CORIN: variants seen among roughly 807,000 people sequenced by gnomAD.
CORIN encodes atrial natriuretic peptide-converting enzyme.
A neutral mutation model predicts 125.3 loss-of-function variants in CORIN; 117 were observed. The ratio of observed to expected loss-of-function variants is 0.93; its 90% confidence interval spans 0.80 to 1.09. The LOEUF (loss-of-function observed/expected upper bound fraction) is 1.09, where lower values mean the gene tolerates loss of function less well. CORIN is among the 50% of genes least tolerant of loss of function. The pLI is 0.00. For synonymous variants in CORIN, 450 were observed against 466.4 expected, an observed-to-expected ratio of 0.96 and a Z score of 0.45; for missense variants, 1,253 against 1,306.7, an observed-to-expected ratio of 0.96 and a Z score of 0.63.
chr4:47,807,142 C>A, intron 1 of CORIN, 95 bp from the exon 2 acceptor site: 2 of 928,518 alleles, frequency 2.2e-6, no homozygotes, highest in South Asian at 1.8e-5. Context: ...CAGCACATTC[C>A]AAAAAGATTT....
chr4:47,775,279 T>TA (rs754505956), intron 3 of CORIN, among the ~76,000 whole-genome samples: 13 of 152,134 alleles, frequency 8.5e-5, no homozygotes, highest in Non-Finnish European at 1.6e-4. Flanking sequence ...ACAGGTTTTT[T>TA]ACCTATGTAT....
intron 3 of CORIN, among the ~76,000 whole-genome samples, chr4:47,774,227 G>A (rs1448584694): frequency 2.0e-5 from 3 of 152,126 alleles, no homozygotes; most frequent in Non-Finnish European, 2.9e-5. Flanking sequence ...CTGAGAAGAT[G>A]CCAGCTGCAG....
At position 47,595,551 on chromosome 4, in the gene CORIN, A is replaced by G. The variant is rs1721218095; in HGVS notation, c.*170T>C. ...ATAAGAGAAAAATGAAGGTGAAAAA[A>G]TAAATTGAAAAAAATTAGTCCAAAA... On this transcript the variant is annotated 3_prime_UTR_variant, in exon 22 of 22. Transcript: ENST00000273857. 1.1e-5 allele frequency: 5 copies of G among 443,148 alleles called. No homozygotes were observed. Among genetic ancestry groups the G allele is most frequent in the Non-Finnish European group, 2.0e-5 (5 of 253,736 alleles). 27.5% of individuals were successfully genotyped at this position (443,148 alleles called of 1,614,324 possible).
chr4:47,746,853 T>G (rs571268451), intron 4 of CORIN, among the ~76,000 whole-genome samples: 1 of 152,276 alleles, frequency 6.6e-6, no homozygotes, highest in Admixed American at 6.5e-5. Context: ...AATCTTGATA[T>G]GCACTTTGTG....
chr4:47,680,416 ACT>A, intron 7 of CORIN, 165 bp from the exon 8 acceptor site: 1 of 568,288 alleles, frequency 1.8e-6, no homozygotes. Flanking sequence ...CGCCCTCCCC[ACT>A]CATGTGCCCC....
At chr4:47,827,102 A>G (rs992960148) in intron 1 of CORIN, among the ~76,000 whole-genome samples, 32 of 152,330 alleles carry the variant, frequency 2.1e-4, no homozygotes, top group African/African-American at 7.2e-4. Flanking sequence ...GGCTAACATT[A>G]TATTTCTATT....
intron 16 of CORIN, among the ~76,000 whole-genome samples, chr4:47,641,395 A>T (rs557185969): frequency 1.3e-5 from 2 of 152,224 alleles, no homozygotes; most frequent in African/African-American, 2.4e-5. Context: ...CAAGTATCTA[A>T]CTTTCAAAGG....
intron 3 of CORIN, among the ~76,000 whole-genome samples, chr4:47,782,387 G>GAAAAAAAAAAAAAAAA (rs1265689215): frequency 1.6e-5 from 1 of 61,602 alleles, no homozygotes; most frequent in Non-Finnish European, 3.5e-5. Flanking sequence ...TCCATCTCAA[G>GAAAAAAAAAAAAAAAA]AAAAAAAAAA....
At chr4:47,720,761 A>T (rs1727308259) in intron 5 of CORIN, among the ~76,000 whole-genome samples, 1 of 152,190 alleles carries the variant, frequency 6.6e-6, no homozygotes, top group Non-Finnish European at 1.5e-5. Flanking sequence ...CCACCATTTG[A>T]TTCCAACTTT....
At chr4:47,758,414 T>G (rs530554331) in intron 4 of CORIN, among the ~76,000 whole-genome samples, 1 of 152,244 alleles carries the variant, frequency 6.6e-6, no homozygotes, top group East Asian at 1.9e-4. Flanking sequence ...CCCAAAGTGA[T>G]CTAGAGTCAA....
chr4:47,815,314 T>G (rs1560562105), intron 1 of CORIN, among the ~76,000 whole-genome samples: 2 of 152,128 alleles, frequency 1.3e-5, no homozygotes, highest in African/African-American at 4.8e-5. Flanking sequence ...AGTCCTGATT[T>G]TTTTTTAACA....
At chr4:47,654,918 G>T (rs1425762879) in intron 12 of CORIN, among the ~76,000 whole-genome samples, 1 of 151,786 alleles carries the variant, frequency 6.6e-6, no homozygotes, top group Non-Finnish European at 1.5e-5. Context: ...CCTTTCTTCT[G>T]CTTGAGGACA....
At chr4:47,645,523 T>A (rs573846709) in intron 13 of CORIN, among the ~76,000 whole-genome samples, 21 of 151,952 alleles carry the variant, frequency 1.4e-4, no homozygotes, top group Non-Finnish European at 2.2e-4. Context: ...ATAATATAAT[T>A]TTGAAAGTAG....
At chr4:47,788,805 A>T (rs895444936) in intron 2 of CORIN, among the ~76,000 whole-genome samples, 25 of 152,202 alleles carry the variant, frequency 1.6e-4, no homozygotes, top group African/African-American at 6.0e-4. Flanking sequence ...ATGAGTAGGC[A>T]TCCAGTTCTG....
chr4:47,817,696 C>G (rs1432980705), intron 1 of CORIN, among the ~76,000 whole-genome samples: 1 of 152,150 alleles, frequency 6.6e-6, no homozygotes, highest in Admixed American at 6.5e-5. Context: ...AAAGGCTGCC[C>G]CAAATTCTAT....
At chr4:47,737,706 G>A (rs1728196116) in intron 5 of CORIN, among the ~76,000 whole-genome samples, 1 of 152,132 alleles carries the variant, frequency 6.6e-6, no homozygotes, top group African/African-American at 2.4e-5. Flanking sequence ...GTTACTATTT[G>A]CAGAAAACTC....
chr4:47,826,914 A>C (rs997967343), intron 1 of CORIN, among the ~76,000 whole-genome samples: 1 of 152,316 alleles, frequency 6.6e-6, no homozygotes, highest in Middle Eastern at 3.4e-3. Flanking sequence ...TGAAATTTAA[A>C]GACTTGTTAT....
At chr4:47,773,567 A>T (rs1730157189) in intron 3 of CORIN, among the ~76,000 whole-genome samples, 1 of 152,224 alleles carries the variant, frequency 6.6e-6, no homozygotes, top group African/African-American at 2.4e-5. Context: ...AAAATCTATC[A>T]TAAGTCAGAA....
Position 47,625,064 on chromosome 4 carries a change from C to G in CORIN, c.2316-1116G>C, listed in dbSNP as rs571344478. Reference sequence around the variant, plus strand: ...ACAGTCTAAAATCCTCTCTTCCTTACTCTCTATTACATTATTCTAAATTTA... The same window carrying G: ...ACAGTCTAAAATCCTCTCTTCCTTAGTCTCTATTACATTATTCTAAATTTA... On this transcript the variant is annotated intron_variant, in intron 17 of 21. Coordinates refer to ENST00000273857, the MANE Select transcript of CORIN (RefSeq NM_006587.4). 9.9e-5 allele frequency among the ~76,000 whole-genome samples: 15 copies of G among 152,162 alleles called. 1 individual carries two copies. In the South Asian group the frequency reaches 2.7e-3, roughly 27 times the overall value.
Sources: gnomAD v4.1 joint callset for allele counts (sites outside exome capture counted in the v4.1 genomes callset) on GRCh38, gnomAD v4.1.1 for gene constraint, MANE v1.5 for transcripts, NCBI Gene and HGNC (gene_info 2026-07-23, HGNC 2026-07-21) for gene names.